Variants in ITGB8 observed in about 807,000 individuals in gnomAD.
The protein encoded by ITGB8 is integrin beta-8.
A neutral mutation model predicts 89.5 loss-of-function variants in ITGB8; 30 were observed. That is an observed-to-expected ratio of 0.34 (90% confidence interval 0.25 to 0.45). The LOEUF is 0.45. ITGB8 is among the 20% of genes least tolerant of loss of function. The probability of loss-of-function intolerance (pLI) is 1.00; values close to 1 mark genes in which losing one functional copy is unlikely to be tolerated. For synonymous variants in ITGB8, 335 were observed against 320.4 expected (o/e 1.05, Z -0.49); for missense variants, 836 against 933.3 (o/e 0.90, Z 1.36).
rs530102783 is a variant in ITGB8 at position 20,379,433 on chromosome 7, G to A, written c.635+136G>A. 7 of 465,118 alleles carry A rather than the reference G, an allele frequency of 1.5e-5. No individual in the cohort carries two copies. The East Asian group carries it at 3.1e-4, about 20-fold the overall frequency. The allele number at this position is 465,118 out of a possible 1,614,324, so 28.8% of individuals were successfully genotyped here. ...AGAATAAAAATATTTGGTGAGGTGG[G>A]GAGGTTTCTTCATATCTGAAAACTT... On this transcript the variant is annotated intron_variant, in intron 4 of 13. Coordinates refer to ENST00000222573, the MANE Select transcript of ITGB8 (RefSeq NM_002214.3).
In ITGB8 at chr7:20,404,670, G is replaced by A. The variant is rs752784233; in HGVS notation, c.1730G>A (p.Gly577Asp). ...CEAGRCQCFS[G>D]WEGDRCQCPS... ...GCAGGCAGATGCCAATGCTTCAGTGGCTGGGAAGGTGATCGATGCCAGTGC... is the reference window on the plus strand; with the variant it reads ...GCAGGCAGATGCCAATGCTTCAGTGACTGGGAAGGTGATCGATGCCAGTGC... The change falls in exon 11 of 14, where the codon GGC (glycine) becomes GAC (aspartate). Residue 577 changes from glycine to aspartate, a missense_variant. By Grantham distance (94) the Gly-to-Asp change is moderately conservative. This residue lies in a region of ITGB8 where 422 missense variants were observed against 416.9 expected (regional missense o/e 1.01). Coordinates refer to ENST00000222573, the MANE Select transcript of ITGB8 (RefSeq NM_002214.3). 5.0e-6 allele frequency: 8 copies of A among 1,613,918 alleles called. No individual in the cohort carries two copies. The highest frequency in any genetic ancestry group is 3.3e-5 in the Admixed American group (2 of 59,998).
At chr7:20,344,997 A>C (rs28686907) in intron 1 of ITGB8, among the ~76,000 whole-genome samples, 80,867 of 151,704 alleles carry the variant, frequency 0.53, 22,254 homozygotes, top group South Asian at 0.72. Context: ...AACAGAATGT[A>C]TAGCACACCA....
At chr7:20,346,893 G>T in intron 1 of ITGB8, 2 of 976,856 alleles carry the variant, frequency 2.0e-6, no homozygotes, top group South Asian at 9.5e-5. Context: ...TTTATGCTAT[G>T]GTCTAAATGT....
chr7:20,375,585 T>G (rs573406056), intron 3 of ITGB8, among the ~76,000 whole-genome samples: 19 of 152,358 alleles, frequency 1.2e-4, no homozygotes, highest in African/African-American at 3.8e-4. Flanking sequence ...CTTAGGTTAC[T>G]TTCTGAGACT....
intron 6 of ITGB8, among the ~76,000 whole-genome samples, chr7:20,384,043 G>T (rs1194441308): frequency 6.6e-6 from 1 of 152,132 alleles, no homozygotes; most frequent in South Asian, 2.1e-4. Flanking sequence ...CATTTTGATT[G>T]ATCCCTTGGC....
At chr7:20,377,178 T>A (rs1326217856) in intron 3 of ITGB8, among the ~76,000 whole-genome samples, 1 of 152,198 alleles carries the variant, frequency 6.6e-6, no homozygotes, top group Non-Finnish European at 1.5e-5. Context: ...GCTGGGTCCC[T>A]GGCACAATAT....
intron 10 of ITGB8, among the ~76,000 whole-genome samples, chr7:20,404,175 A>G (rs184653549): frequency 3.3e-4 from 51 of 152,258 alleles, no homozygotes; most frequent in African/African-American, 1.1e-3. Flanking sequence ...TTTGCCTCAC[A>G]GTCCTGCAAA....
chr7:20,369,193 TA>T (rs1785829392), intron 3 of ITGB8, among the ~76,000 whole-genome samples: 1 of 152,162 alleles, frequency 6.6e-6, no homozygotes, highest in African/African-American at 2.4e-5. Context: ...ACCCACACCT[TA>T]ATATTTGCAC....
chr7:20,415,377 GAATAT>G lies in ITGB8; in HGVS notation c.*5382_*5386del, dbSNP rs1787895079. 1 of 151,600 alleles carries G rather than the reference GAATAT, an allele frequency of 6.6e-6. No homozygotes were observed. The highest frequency in any genetic ancestry group is 2.4e-5 in the African/African-American group (1 of 41,320). 9.4% of individuals were successfully genotyped at this position (151,600 alleles called of 1,614,324 possible). On this transcript the variant is annotated 3_prime_UTR_variant, in exon 14 of 14. Transcript: ENST00000222573. ...CGTTTGTAAAAATAAATTTAATATA[GAATAT>G]ATTTTTAAATTAAATATTTGAATAT...
At chr7:20,390,507 T>C (rs1249458545) in intron 6 of ITGB8, among the ~76,000 whole-genome samples, 1 of 152,118 alleles carries the variant, frequency 6.6e-6, no homozygotes, top group African/African-American at 2.4e-5. Flanking sequence ...CCTACTCTTC[T>C]CTAACTTTCT....
chr7:20,343,432 C>T (rs1784826965), intron 1 of ITGB8, among the ~76,000 whole-genome samples: 1 of 152,196 alleles, frequency 6.6e-6, no homozygotes, highest in South Asian at 2.1e-4. Context: ...GCCTGCTGTA[C>T]CCTGCCTGTT....
chr7:20,331,607 C>A lies in ITGB8; in HGVS notation c.-200C>A. The A allele has an allele frequency of 1.9e-6, 1 of 525,866 alleles. No homozygotes were observed. The highest frequency in any genetic ancestry group is 3.1e-6 in the Non-Finnish European group (1 of 325,444). The allele number at this position is 525,866 out of a possible 1,614,324, so 32.6% of individuals were successfully genotyped here. The stretch of plus-strand genomic sequence containing the variant: ...ACCCGCCGTGCCGAGCCGGGAGGGC[C>A]GCAGGGGCCCTGAGATGCCGAGCGG... On this transcript the variant is annotated 5_prime_UTR_variant, in exon 1 of 14. Transcript: ENST00000222573.
intron 3 of ITGB8, among the ~76,000 whole-genome samples, chr7:20,376,527 G>T (rs1417288272): frequency 6.6e-6 from 1 of 152,144 alleles, no homozygotes; most frequent in Non-Finnish European, 1.5e-5. Flanking sequence ...GAATACTGAT[G>T]CCTAGGACAC....
At chr7:20,333,213 A>G (rs1784467994) in intron 1 of ITGB8, among the ~76,000 whole-genome samples, 1 of 152,156 alleles carries the variant, frequency 6.6e-6, no homozygotes, top group Non-Finnish European at 1.5e-5. Context: ...GTTTTCTAAT[A>G]TTTGTTTCAG....
chr7:20,361,286 A>C (rs568528024), intron 1 of ITGB8, among the ~76,000 whole-genome samples: 21 of 152,352 alleles, frequency 1.4e-4, no homozygotes, highest in African/African-American at 5.1e-4. Flanking sequence ...TTCATGTTTC[A>C]GTTGAGTCAA....
intron 6 of ITGB8, among the ~76,000 whole-genome samples, chr7:20,390,129 TG>T (rs1468684643): frequency 6.6e-6 from 1 of 152,166 alleles, no homozygotes; most frequent in East Asian, 1.9e-4. Context: ...TTTACCAAGT[TG>T]GTTTAACAGG....
chr7:20,333,063 T>C (rs188911667), intron 1 of ITGB8, among the ~76,000 whole-genome samples: 24 of 152,262 alleles, frequency 1.6e-4, no homozygotes, highest in African/African-American at 4.6e-4. Context: ...TAAAATTTAC[T>C]CCTATACTTT....
chr7:20,357,707 T>C (rs908504096), intron 1 of ITGB8, among the ~76,000 whole-genome samples: 2 of 152,176 alleles, frequency 1.3e-5, no homozygotes, highest in African/African-American at 4.8e-5. Context: ...TTGGAGAGTT[T>C]AGGTAACTAG....
At position 20,405,554 on chromosome 7, in the gene ITGB8, G is replaced by A. The variant is rs917015420; in HGVS notation, c.1914-508G>A. Among the ~76,000 whole-genome samples, 10 of 151,072 alleles carry A rather than the reference G, an allele frequency of 6.6e-5. No homozygotes were observed. In the East Asian group the frequency reaches 1.4e-3, roughly 21 times the overall value. ...AGGATGGTCTCAATCTCCTGACCTC[G>A]TGATCCACCCACCTCGGCCTCCCAA... On this transcript the variant is annotated intron_variant, in intron 11 of 13. Transcript: ENST00000222573.
Sources: allele counts gnomAD v4.1 joint callset (sites outside exome capture counted in the v4.1 genomes callset), GRCh38; gene constraint gnomAD v4.1.1; regional missense constraint gnomAD v4.1.1; transcripts MANE v1.5; gene names NCBI Gene and HGNC (gene_info 2026-07-23, HGNC 2026-07-21).